SNX14: variants seen among roughly 807,000 people sequenced by gnomAD.
SNX14 encodes the protein sorting nexin-14.
SNX14 carries 93 observed loss-of-function variants against 133.8 expected under a neutral mutation model. The observed-to-expected ratio is 0.70, with a 90% CI of 0.59 to 0.83. The LOEUF (loss-of-function observed/expected upper bound fraction) is 0.83, where lower values mean the gene tolerates loss of function less well. Among genes scored for constraint, SNX14 ranks in the 40% least tolerant of loss-of-function variants. The pLI, the probability that SNX14 is intolerant of heterozygous loss-of-function variation, is 0.00. For synonymous variants in SNX14, 368 were observed against 365.6 expected (o/e 1.01, Z -0.07); for missense variants, 945 against 1,094.9 (o/e 0.86, Z 1.93).
chr6:85,592,906 C>T (rs1295352612), intron 1 of SNX14, among the ~76,000 whole-genome samples: 1 of 151,756 alleles, frequency 6.6e-6, no homozygotes, highest in African/African-American at 2.4e-5. Flanking sequence ...CCCAGCTACT[C>T]GGGAGGCTGA....
At chr6:85,584,143 T>C (rs1025333341) in intron 1 of SNX14, among the ~76,000 whole-genome samples, 2 of 152,056 alleles carry the variant, frequency 1.3e-5, no homozygotes, top group Non-Finnish European at 2.9e-5. Flanking sequence ...AAACAAGCAA[T>C]GAAGAAAGGA....
chr6:85,563,187 T>C (rs916771110), intron 6 of SNX14, among the ~76,000 whole-genome samples: 2 of 152,138 alleles, frequency 1.3e-5, no homozygotes, highest in African/African-American at 4.8e-5. Flanking sequence ...ACTTCTCAGA[T>C]AGGTATAGAG....
At chr6:85,552,469 G>T (rs1788167355) in intron 7 of SNX14, among the ~76,000 whole-genome samples, 1 of 152,100 alleles carries the variant, frequency 6.6e-6, no homozygotes, top group Middle Eastern at 3.2e-3. Flanking sequence ...GGCCTGCTAG[G>T]ACCCCCAGCA....
chr6:85,542,687 C>G (rs1199982303), intron 14 of SNX14, among the ~76,000 whole-genome samples: 1 of 152,226 alleles, frequency 6.6e-6, no homozygotes, highest in Non-Finnish European at 1.5e-5. Context: ...AGCCACCACA[C>G]CCGGCCTTTG....
intron 7 of SNX14, among the ~76,000 whole-genome samples, chr6:85,553,341 G>T (rs1356868452): frequency 6.6e-6 from 1 of 152,156 alleles, no homozygotes; most frequent in African/African-American, 2.4e-5. Flanking sequence ...ATTAGAATTT[G>T]GGGCATGGGT....
At chr6:85,518,128 T>G (rs1775678060) in intron 21 of SNX14, 80 bp from the exon 22 acceptor site, 9 of 1,158,594 alleles carry the variant, frequency 7.8e-6, no homozygotes, top group South Asian at 1.4e-5. Context: ...AACCAGGTAA[T>G]TTTAAATACG....
intron 12 of SNX14, 77 bp downstream of exon 12, chr6:85,547,035 T>C (rs1785822311): frequency 2.4e-6 from 2 of 832,040 alleles, no homozygotes; most frequent in Non-Finnish European, 1.8e-6. Context: ...TACCACAACA[T>C]CAGATCTGAT....
At chr6:85,560,016 T>C (rs1310030436) in intron 6 of SNX14, among the ~76,000 whole-genome samples, 2 of 152,152 alleles carry the variant, frequency 1.3e-5, no homozygotes, top group Non-Finnish European at 2.9e-5. Context: ...TGTGGAGAAA[T>C]TGAGATCCTC....
At chr6:85,572,008 T>C in intron 4 of SNX14, 129 bp downstream of exon 4, 1 of 679,298 alleles carries the variant, frequency 1.5e-6, no homozygotes. Context: ...AATAATCAAC[T>C]GCCTCAGAAC....
chr6:85,558,117 G>T, intron 6 of SNX14, 57 bp from the exon 7 acceptor site: 1 of 821,372 alleles, frequency 1.2e-6, no homozygotes, highest in Non-Finnish European at 2.0e-6. Context: ...TACAATGGCA[G>T]GTACACTACA....
chr6:85,593,469 C>A lies in SNX14; in HGVS notation c.140+110G>T. ...TCCTCTGCGGAGCTCGCTCTCCCCACTGGTCCCCAGTCCCGCAGCTACGCG... is the reference window on the plus strand; with the variant it reads ...TCCTCTGCGGAGCTCGCTCTCCCCAATGGTCCCCAGTCCCGCAGCTACGCG... On this transcript the variant is annotated intron_variant, in intron 1 of 28. Coordinates refer to ENST00000314673, the MANE Select transcript of SNX14 (RefSeq NM_153816.6). 2.1e-6 allele frequency: 3 copies of A among 1,441,160 alleles called. No individual in the cohort carries two copies. In the African/African-American group the frequency reaches 4.3e-5, roughly 21 times the overall value. 89.3% of individuals were successfully genotyped at this position (1,441,160 alleles called of 1,614,324 possible). A position where few individuals can be genotyped will look rare whatever the true frequency, so the allele number is the denominator to read the frequency against.
chr6:85,588,387 C>G (rs963330705), intron 1 of SNX14, among the ~76,000 whole-genome samples: 1 of 151,988 alleles, frequency 6.6e-6, no homozygotes, highest in Admixed American at 6.6e-5. Context: ...TCCTGACTAA[C>G]ACGGTGAAAC....
chr6:85,515,262 CAAAAAAAAAAAAA>C (rs751549621), intron 23 of SNX14, among the ~76,000 whole-genome samples: 1 of 22,770 alleles, frequency 4.4e-5, no homozygotes, highest in South Asian at 1.6e-3. Context: ...GCAAGACCGT[CAAAAAAAAAAAAA>C]AAAAAAAAAA....
Position 85,572,317 on chromosome 6 carries a change from C to A in SNX14, c.319G>T (p.Val107Leu). 1 of 1,613,668 alleles carries A rather than the reference C, an allele frequency of 6.2e-7. No homozygotes were observed. Among genetic ancestry groups the A allele is most frequent in the Non-Finnish European group, 8.5e-7 (1 of 1,179,812 alleles). The change falls in exon 3 of 29, where the codon GTG becomes TTG. Residue 107 changes from valine (V) to leucine (L), a missense_variant. By Grantham distance (32) the Val-to-Leu change is conservative (BLOSUM62 1). Transcript: ENST00000314673. ...ACTTACCTATGTCGTTTACATTTCA[C>A]TTTACCACAAACAGCACAGCTATGA... ...QGHSCAVCGK[V>L]KCKRHRPSLL...
intron 21 of SNX14, among the ~76,000 whole-genome samples, chr6:85,521,983 A>G (rs911631559): frequency 6.6e-6 from 1 of 152,166 alleles, no homozygotes; most frequent in Non-Finnish European, 1.5e-5. Flanking sequence ...TCCCAGCACT[A>G]TTTATTGAAA....
At chr6:85,558,833 T>C (rs1198038742) in intron 6 of SNX14, among the ~76,000 whole-genome samples, 1 of 151,954 alleles carries the variant, frequency 6.6e-6, no homozygotes, top group Non-Finnish European at 1.5e-5. Context: ...TTAAGTTTCA[T>C]CATTCCCCAC....
chr6:85,517,209 A>T (rs969244112), intron 23 of SNX14, among the ~76,000 whole-genome samples: 1 of 152,194 alleles, frequency 6.6e-6, no homozygotes, highest in African/African-American at 2.4e-5. Flanking sequence ...TAAAGATACC[A>T]TTCAGAGTAT....
chr6:85,538,969 G>A (rs371127671), intron 15 of SNX14, 105 bp from the exon 16 acceptor site: 10 of 917,624 alleles, frequency 1.1e-5, no homozygotes. Context: ...AAAAGCTTCA[G>A]AAGTTACACA....
intron 12 of SNX14, 42 bp from the exon 13 acceptor site, chr6:85,543,802 T>C (rs765370625): frequency 9.6e-6 from 12 of 1,245,272 alleles, no homozygotes; most frequent in East Asian, 2.8e-5. Flanking sequence ...AATTTTAATA[T>C]ATAATTATTC....
Sources: gnomAD v4.1 joint callset for allele counts (sites outside exome capture counted in the v4.1 genomes callset) on GRCh38, gnomAD v4.1.1 for gene constraint, MANE v1.5 for transcripts, NCBI Gene and HGNC (gene_info 2026-07-23, HGNC 2026-07-21) for gene names.